Variants in MICAL2 observed in about 807,000 individuals in gnomAD.
MICAL2 encodes the protein microtubule associated monooxygenase, calponin and LIM domain containing 2.
MICAL2 carries 77 observed loss-of-function variants against 127.3 expected under a neutral mutation model. The ratio of observed to expected loss-of-function variants is 0.60; its 90% CI spans 0.50 to 0.73. MICAL2 has a LOEUF of 0.73. Among genes scored for constraint, MICAL2 ranks in the 30% least tolerant of loss-of-function variants. The pLI is 0.00. For missense variants in MICAL2, 1,351 were observed against 1,434.4 expected, an observed-to-expected ratio of 0.94 and a Z score of 0.94; for synonymous variants, 570 against 551.1, an observed-to-expected ratio of 1.03 and a Z score of -0.48.
Position 12,133,230 on chromosome 11 carries a change from C to T in MICAL2, c.-148-5160C>T, listed in dbSNP as rs963594811. 2.0e-5 allele frequency among the ~76,000 whole-genome samples: 3 copies of T among 152,114 alleles called. No homozygotes were observed. In the South Asian group the frequency reaches 6.2e-4, roughly 32 times the overall value. ...CCAAGTAGCTGGGATTACAGGCGTG[C>T]GCCACCACACCTGGCTAATTTTTGT... On this transcript the variant is annotated intron_variant, in intron 1 of 27. Transcript: ENST00000683283.
intron 1 of MICAL2, among the ~76,000 whole-genome samples, chr11:12,132,398 A>G (rs548864998): frequency 4.6e-5 from 7 of 152,364 alleles, no homozygotes; most frequent in South Asian, 4.1e-4. Context: ...GTGTGGCACC[A>G]TATCTCACCC....
chr11:12,129,636 CTTTTT>C (rs559528778), intron 1 of MICAL2, among the ~76,000 whole-genome samples: 8 of 97,464 alleles, frequency 8.2e-5, no homozygotes, highest in Non-Finnish European at 1.3e-4. Flanking sequence ...TCTTCTTCTT[CTTTTT>C]TTTTTTTTTT....
At chr11:12,227,945 T>G (rs1280332887) in intron 15 of MICAL2, among the ~76,000 whole-genome samples, 1 of 152,216 alleles carries the variant, frequency 6.6e-6, no homozygotes, top group African/African-American at 2.4e-5. Context: ...ATCACATGCC[T>G]AAGGAGCAGT....
At position 12,154,671 on chromosome 11, in the gene MICAL2, C is replaced by G. The variant is rs562039623; in HGVS notation, c.-77-7408C>G. Among the ~76,000 whole-genome samples the G allele has an allele frequency of 4.6e-5, 7 of 152,294 alleles. No individual in the cohort carries two copies. In the South Asian group the frequency reaches 1.0e-3, roughly 23 times the overall value. ...TTTTCACTCTGCATTATGGCATAAG[C>G]ATTTTCCCATGGATTAAATGTCTTT... On this transcript the variant is annotated intron_variant, in intron 2 of 27. Coordinates refer to ENST00000683283, the MANE Select transcript of MICAL2 (RefSeq NM_001282663.2).
chr11:12,118,243 A>G (rs1018558063), intron 1 of MICAL2, among the ~76,000 whole-genome samples: 11 of 152,204 alleles, frequency 7.2e-5, no homozygotes, highest in African/African-American at 2.7e-4. Flanking sequence ...CATAGGACTT[A>G]CCTTCACACG....
intron 1 of MICAL2, among the ~76,000 whole-genome samples, chr11:12,111,043 G>A (rs1849565161): frequency 6.6e-6 from 1 of 152,174 alleles, no homozygotes; most frequent in African/African-American, 2.4e-5. Flanking sequence ...AATCGCAAGC[G>A]CCAAAACGGG....
chr11:12,246,903 G>C (rs1475328857), intron 21 of MICAL2, among the ~76,000 whole-genome samples: 1 of 152,218 alleles, frequency 6.6e-6, no homozygotes, highest in Non-Finnish European at 1.5e-5. Context: ...CAATATATCA[G>C]TAAATTATAT....
intron 32 of MICAL2, among the ~76,000 whole-genome samples, chr11:12,343,927 T>C (rs556168560): frequency 1.1e-4 from 17 of 152,324 alleles, no homozygotes; most frequent in Non-Finnish European, 2.2e-4. Flanking sequence ...AGGTGAAAGA[T>C]GGAACATAGA....
chr11:12,254,414 C>G (rs2706659), intron 22 of MICAL2: 152,493 of 152,494 alleles, frequency 1, 76,246 homozygotes, highest in Non-Finnish European at 1. Context: ...CCCTGGTCTT[C>G]CTGGTCCCTG....
intron 3 of MICAL2, among the ~76,000 whole-genome samples, chr11:12,198,644 G>T (rs889356759): frequency 1.2e-4 from 19 of 152,088 alleles, no homozygotes; most frequent in Non-Finnish European, 2.5e-4. Context: ...CCAGTGCACT[G>T]CCCTGGGGAG....
At chr11:12,149,569 G>A (rs780114015) in intron 2 of MICAL2, among the ~76,000 whole-genome samples, 8 of 152,156 alleles carry the variant, frequency 5.3e-5, no homozygotes, top group Non-Finnish European at 1.0e-4. Context: ...AGTAAATAGG[G>A]CTGCTGAAGA....
upstream of MICAL2, among the ~76,000 whole-genome samples, chr11:12,275,260 C>CA (rs774740340): frequency 6.6e-6 from 1 of 152,162 alleles, no homozygotes; most frequent in Non-Finnish European, 1.5e-5. Context: ...GTCTGTTAGA[C>CA]ACGTAGACGG....
At chr11:12,117,193 G>T (rs1850111792) in intron 1 of MICAL2, among the ~76,000 whole-genome samples, 1 of 152,198 alleles carries the variant, frequency 6.6e-6, no homozygotes, top group East Asian at 1.9e-4. Flanking sequence ...TTTCTCCTTT[G>T]CTGGGCAAGA....
intron 12 of MICAL2, chr11:12,224,371 C>G: frequency 3.0e-6 from 1 of 334,336 alleles, no homozygotes; most frequent in Non-Finnish European, 5.6e-6. Flanking sequence ...TCATCATCAC[C>G]CCCTCTGTGA....
At chr11:12,260,277 A>G (rs892267466) in intron 26 of MICAL2, 1 of 1,431,686 alleles carries the variant, frequency 7.0e-7, no homozygotes. Context: ...GCATTCTCTA[A>G]GCAATTAGCT....
intron 29 of MICAL2, chr11:12,303,412 AATTT>A (rs1006024587): frequency 1.3e-5 from 2 of 152,208 alleles, no homozygotes; most frequent in Non-Finnish European, 2.9e-5. Context: ...AATTTTAATT[AATTT>A]AAATTTAAAA....
Position 12,204,290 on chromosome 11 carries a change from C to A in MICAL2, c.305C>A (p.Ala102Asp). ...GGAGGACCCTGTGGCTTGCGCACTG[C>A]CATTGAACTTGCCTACCTGGGAGCC... The part of the protein sequence containing the change: ...VGGGPCGLRT[A>D]IELAYLGAKV... Residue 102 changes from alanine to aspartate, a missense_variant, in exon 4 of 28, where the codon GCC becomes GAC. Coordinates refer to ENST00000683283, the MANE Select transcript of MICAL2 (RefSeq NM_001282663.2). 1 of 1,614,098 alleles carries A rather than the reference C, an allele frequency of 6.2e-7. No individual in the cohort carries two copies. The highest frequency in any genetic ancestry group is 8.5e-7 in the Non-Finnish European group (1 of 1,180,032).
chr11:12,197,618 AC>A (rs1307786399), intron 3 of MICAL2: 4 of 152,184 alleles, frequency 2.6e-5, no homozygotes, highest in Non-Finnish European at 5.9e-5. Context: ...ACTTCGGGGA[AC>A]CTATGTGTTA....
chr11:12,147,979 C>T lies in MICAL2; in HGVS notation c.-78+9519C>T, dbSNP rs559462655. On this transcript the variant is annotated intron_variant, in intron 2 of 27. Transcript: ENST00000683283. The stretch of plus-strand genomic sequence containing the variant: ...GCTTAGGCATAGACTCTGAGTTAGA[C>T]GAACACAGATGGGTAAGGGATGGGG... Among the ~76,000 whole-genome samples, 19 of 152,274 alleles carry T rather than the reference C, an allele frequency of 1.2e-4. No individual in the cohort carries two copies. The South Asian group carries it at 3.1e-3, about 25-fold the overall frequency.
Sources: allele counts gnomAD v4.1 joint callset (sites outside exome capture counted in the v4.1 genomes callset), GRCh38; gene constraint gnomAD v4.1.1; transcripts MANE v1.5; gene names NCBI Gene and HGNC (gene_info 2026-07-23, HGNC 2026-07-21).